Variants in ARHGAP24 observed in about 807,000 individuals in gnomAD.
ARHGAP24 encodes the protein Rho GTPase activating protein 24, also known as rho GTPase-activating protein 24.
A neutral mutation model predicts 76.4 loss-of-function variants in ARHGAP24; 50 were observed. The observed-to-expected ratio is 0.65, with a 90% CI of 0.52 to 0.83. ARHGAP24 has a LOEUF of 0.83. Ranked by LOEUF, ARHGAP24 falls within the 40% of genes least tolerant of loss-of-function variation. The pLI, the probability that ARHGAP24 is intolerant of heterozygous loss-of-function variation, is 0.00. For missense variants in ARHGAP24, 930 were observed against 914.2 expected (o/e 1.02, Z -0.22); for synonymous variants, 345 against 323.3 (o/e 1.07, Z -0.72).
At chr4:85,576,325 G>A (rs1485283610) in intron 2 of ARHGAP24, among the ~76,000 whole-genome samples, 1 of 152,060 alleles carries the variant, frequency 6.6e-6, no homozygotes, top group Non-Finnish European at 1.5e-5. Context: ...ACCTACTCCG[G>A]AGGCTGAGGC....
At chr4:85,693,225 C>G (rs766695760) in intron 2 of ARHGAP24, among the ~76,000 whole-genome samples, 1 of 152,172 alleles carries the variant, frequency 6.6e-6, no homozygotes, top group East Asian at 1.9e-4. Flanking sequence ...GAAGTGACCC[C>G]CATTTCCATG....
rs1338925803 is a variant in ARHGAP24 at position 85,612,372 on chromosome 4, G to C, written c.180+41651G>C. On this transcript the variant is annotated intron_variant, in intron 2 of 9. Coordinates refer to ENST00000395184, the MANE Select transcript of ARHGAP24 (RefSeq NM_001025616.3). ...TTCACTGCAGAGCTGGCAGTGAGCC[G>C]AGTGCACTCCACTCGGCGTGGAGTG... Among the ~76,000 whole-genome samples the C allele has an allele frequency of 4.4e-5, 4 of 89,888 alleles. No homozygotes were observed. In the South Asian group the frequency reaches 2.5e-3, roughly 56 times the overall value. 59.0% of individuals were successfully genotyped at this position (89,888 alleles called of 152,430 possible).
At chr4:85,941,775 GT>G (rs1337771898) in intron 4 of ARHGAP24, among the ~76,000 whole-genome samples, 1 of 152,040 alleles carries the variant, frequency 6.6e-6, no homozygotes, top group East Asian at 1.9e-4. Context: ...CCAAACTCAA[GT>G]TACATTTATT....
chr4:85,746,875 G>A (rs1262517890), intron 3 of ARHGAP24, among the ~76,000 whole-genome samples: 2 of 151,860 alleles, frequency 1.3e-5, no homozygotes, highest in African/African-American at 2.4e-5. Context: ...GGATGGTCTC[G>A]ATCTCCTGAC....
At chr4:85,847,904 C>T (rs1002332873) in intron 3 of ARHGAP24, among the ~76,000 whole-genome samples, 1 of 152,114 alleles carries the variant, frequency 6.6e-6, no homozygotes, top group Non-Finnish European at 1.5e-5. Context: ...TCCAGTAATG[C>T]ATCCCAGTGC....
At chr4:85,820,542 T>G (rs1560650847) in intron 3 of ARHGAP24, among the ~76,000 whole-genome samples, 1 of 152,190 alleles carries the variant, frequency 6.6e-6, no homozygotes, top group Non-Finnish European at 1.5e-5. Context: ...TTATACTTAT[T>G]ACTTAGATGG....
intron 2 of ARHGAP24, among the ~76,000 whole-genome samples, chr4:85,622,716 G>T (rs1720766609): frequency 6.6e-6 from 1 of 152,200 alleles, no homozygotes; most frequent in Non-Finnish European, 1.5e-5. Flanking sequence ...CCCAACAACA[G>T]TGTAAAAGTG....
intron 1 of ARHGAP24, among the ~76,000 whole-genome samples, chr4:85,503,185 TG>T (rs1442850434): frequency 6.6e-6 from 1 of 152,174 alleles, no homozygotes; most frequent in East Asian, 1.9e-4. Flanking sequence ...TTCTCTTTTT[TG>T]TTGTGTCTCT....
chr4:85,728,824 T>C (rs934851977), intron 3 of ARHGAP24, among the ~76,000 whole-genome samples: 2 of 152,244 alleles, frequency 1.3e-5, no homozygotes, highest in African/African-American at 4.8e-5. Context: ...AAGTTTACCA[T>C]ACATGTCTGC....
intron 3 of ARHGAP24, among the ~76,000 whole-genome samples, chr4:85,817,253 T>C (rs1001752911): frequency 5.3e-5 from 8 of 152,218 alleles, no homozygotes; most frequent in Non-Finnish European, 1.0e-4. Flanking sequence ...ACAGGGAAAC[T>C]TTTTAGTTTG....
At chr4:85,610,928 A>G (rs1250021662) in intron 2 of ARHGAP24, among the ~76,000 whole-genome samples, 1 of 152,192 alleles carries the variant, frequency 6.6e-6, no homozygotes, top group East Asian at 1.9e-4. Context: ...AGAAATAAAG[A>G]AAAACTGCCT....
chr4:85,979,942 T>A (rs1490960285), intron 8 of ARHGAP24, among the ~76,000 whole-genome samples: 1 of 152,244 alleles, frequency 6.6e-6, no homozygotes, highest in East Asian at 1.9e-4. Context: ...TCTCAAATTT[T>A]CCCATCTTTG....
intron 3 of ARHGAP24, among the ~76,000 whole-genome samples, chr4:85,920,309 A>G (rs189246712): frequency 6.6e-6 from 1 of 152,232 alleles, no homozygotes; most frequent in Admixed American, 6.5e-5. Flanking sequence ...AGTATATATA[A>G]TTGTCTCTAA....
Position 85,994,713 on chromosome 4 carries a change from C to T in ARHGAP24, c.1059C>T (p.Ala353=), listed in dbSNP as rs1043433672. 1 of 1,613,972 alleles carries T rather than the reference C, an allele frequency of 6.2e-7. No homozygotes were observed. The highest frequency in any genetic ancestry group is 8.5e-7 in the Non-Finnish European group (1 of 1,180,022). The change falls in exon 9 of 10, where the codon GCC becomes GCT. Residue 353 remains alanine, a synonymous_variant. Coordinates refer to ENST00000395184, the MANE Select transcript of ARHGAP24 (RefSeq NM_001025616.3). ...VSNNNEIQKK[A]TMGQLQNKEN... ...ACAACAATGAAATTCAGAAGAAAGC[C>T]ACCATGGGGCAGTTACAGAACAAGG...
At chr4:85,520,765 T>C (rs1454862093) in intron 1 of ARHGAP24, among the ~76,000 whole-genome samples, 1 of 152,166 alleles carries the variant, frequency 6.6e-6, no homozygotes, top group Non-Finnish European at 1.5e-5. Context: ...GATGCAGACA[T>C]GAATTAGCAT....
chr4:85,640,905 T>TTTGGCACCTATAC (rs61340090), intron 2 of ARHGAP24, among the ~76,000 whole-genome samples: 49,782 of 151,762 alleles, frequency 0.33, 9,203 homozygotes, highest in East Asian at 0.84. Context: ...AAAACAATTT[T>TTTGGCACCTATAC]TTGGATACAA....
chr4:85,979,148 T>C (rs781678294), intron 8 of ARHGAP24, among the ~76,000 whole-genome samples: 16 of 152,174 alleles, frequency 1.1e-4, no homozygotes, highest in Non-Finnish European at 1.8e-4. Context: ...ATAAAATCCA[T>C]GTTTGATCTG....
intron 5 of ARHGAP24, among the ~76,000 whole-genome samples, chr4:85,957,635 A>G (rs1035354120): frequency 1.3e-5 from 2 of 152,236 alleles, no homozygotes; most frequent in Admixed American, 1.3e-4. Context: ...TGGGAAATAC[A>G]GTCAGGTCAC....
chr4:85,977,104 C>T (rs1560759950), intron 7 of ARHGAP24, among the ~76,000 whole-genome samples: 1 of 152,020 alleles, frequency 6.6e-6, no homozygotes, highest in Non-Finnish European at 1.5e-5. Flanking sequence ...TTATCTATCT[C>T]ATTTCTTAAT....
Sources: allele counts gnomAD v4.1 joint callset (sites outside exome capture counted in the v4.1 genomes callset), GRCh38; gene constraint gnomAD v4.1.1; transcripts MANE v1.5; gene names NCBI Gene and HGNC (gene_info 2026-07-23, HGNC 2026-07-21).